ADARB1: variants seen among roughly 807,000 people sequenced by gnomAD.
ADARB1 encodes double-stranded RNA-specific editase 1.
A neutral mutation model predicts 52.4 loss-of-function variants in ADARB1; 10 were observed. The observed-to-expected ratio is 0.19, with a 90% CI of 0.12 to 0.32. ADARB1 has a LOEUF of 0.32. ADARB1 is among the 10% of genes least tolerant of loss of function. ADARB1 has a pLI of 1.00. For missense variants in ADARB1, 643 were observed against 922.3 expected (o/e 0.70, Z 3.92); for synonymous variants, 349 against 371.1 (o/e 0.94, Z 0.68).
chr21:45,195,637 A>G (rs1413155924), intron 8 of ADARB1, among the ~76,000 whole-genome samples: 1 of 149,948 alleles, frequency 6.7e-6, no homozygotes, highest in African/African-American at 2.5e-5. Flanking sequence ...GTTTATGTCC[A>G]TTGGTTCTAG....
At chr21:45,185,391 A>G (rs1237532966) in intron 8 of ADARB1, among the ~76,000 whole-genome samples, 1 of 152,268 alleles carries the variant, frequency 6.6e-6, no homozygotes, top group Non-Finnish European at 1.5e-5. Context: ...TTAATGGGCT[A>G]CAGGCCATGA....
intron 2 of ADARB1, among the ~76,000 whole-genome samples, chr21:45,152,329 G>A (rs376390984): frequency 1.0e-3 from 153 of 152,300 alleles, no homozygotes; most frequent in African/African-American, 3.6e-3. Flanking sequence ...CCCTCTGCTC[G>A]TGGTGTTTTA....
chr21:45,176,971 G>C lies in ADARB1; in HGVS notation c.963+307G>C. ...CTTCCCGTTAGGCAACCCCCCCCAT[G>C]ACCCTCATCCCACAGCAAGCCTTTA... is the stretch of plus-strand genomic sequence containing the variant. On this transcript the variant is annotated intron_variant, in intron 4 of 10. Transcript: ENST00000348831. The surrounding 1 kb of genome is among the most constrained non-coding windows in gnomAD (Gnocchi z 5.8). 1 of 295,054 alleles carries C rather than the reference G, an allele frequency of 3.4e-6. No individual in the cohort carries two copies. The highest frequency in any genetic ancestry group is 6.3e-6 in the Non-Finnish European group (1 of 159,036). 18.3% of individuals were successfully genotyped at this position (295,054 alleles called of 1,614,324 possible).
Position 45,224,753 on chromosome 21 carries a change from C to G in ADARB1, c.*2556C>G. The G allele has an allele frequency of 7.5e-6, 7 of 928,446 alleles. No homozygotes were observed. The highest frequency in any genetic ancestry group is 8.7e-6 in the Non-Finnish European group (7 of 803,150). 57.5% of individuals were successfully genotyped at this position (928,446 alleles called of 1,614,324 possible). ...GGGGCGGCTGTGGGGAGGAAGGTGA[C>G]GTGCAGGGGACCAGAGGCTCTGCAC... On this transcript the variant is annotated 3_prime_UTR_variant, in exon 11 of 11. Transcript: ENST00000348831.
At position 45,182,771 on chromosome 21, in the gene ADARB1, A is replaced by G. The variant is rs56350820; in HGVS notation, c.1247+18A>G. ...TACTTAAAGTAAGTTTAGTAAACAAATAAGGACAGGAAGCTCTTTTTAAAA... is the reference window on the plus strand; with the variant it reads ...TACTTAAAGTAAGTTTAGTAAACAAGTAAGGACAGGAAGCTCTTTTTAAAA... On this transcript the variant is annotated intron_variant, in intron 6 of 10. Transcript: ENST00000348831. The G allele has an allele frequency of 0.035, 55,305 of 1,559,728 alleles. 1,174 individuals are homozygous for G. The highest frequency in any genetic ancestry group is 0.042 in the Non-Finnish European group (48,493 of 1,154,236).
intron 8 of ADARB1, among the ~76,000 whole-genome samples, chr21:45,194,789 TAGTTTGGA>T (rs2146288747): frequency 6.6e-6 from 1 of 152,344 alleles, no homozygotes; most frequent in African/African-American, 2.4e-5. Context: ...TGCTAAATAA[TAGTTTGGA>T]TGTGCCACAG....
intron 1 of ADARB1, among the ~76,000 whole-genome samples, chr21:45,077,297 C>T (rs1438898929): frequency 6.6e-6 from 1 of 152,138 alleles, no homozygotes; most frequent in African/African-American, 2.4e-5. Context: ...CATTTACCAG[C>T]CTATAAAAAA....
At chr21:45,156,554 TCCATCCAC>T (rs1022183391) in intron 2 of ADARB1, among the ~76,000 whole-genome samples, 1 of 107,322 alleles carries the variant, frequency 9.3e-6, no homozygotes, top group African/African-American at 3.6e-5. Flanking sequence ...CATTCATCCA[TCCATCCAC>T]CCATGCACCC....
chr21:45,173,255 T>C (rs9981978), intron 3 of ADARB1, among the ~76,000 whole-genome samples: 3,374 of 152,322 alleles, frequency 0.022, 94 homozygotes, highest in African/African-American at 0.062. Flanking sequence ...TGTATCATTT[T>C]GAAAGCAATG....
intron 1 of ADARB1, among the ~76,000 whole-genome samples, chr21:45,094,913 A>G (rs1007872518): frequency 1.3e-5 from 2 of 152,088 alleles, no homozygotes; most frequent in Non-Finnish European, 2.9e-5. Flanking sequence ...CGAGGTTTGC[A>G]CTCAGTCTCC....
At chr21:45,105,237 A>G (rs2087196839) in intron 1 of ADARB1, among the ~76,000 whole-genome samples, 1 of 152,098 alleles carries the variant, frequency 6.6e-6, no homozygotes, top group Non-Finnish European at 1.5e-5. Flanking sequence ...AGTAGCTGGG[A>G]TTACAGGTGC....
chr21:45,098,734 G>A lies in ADARB1; in HGVS notation c.-220+23941G>A, dbSNP rs550427022. ...TGGCGAGTGCTAGGCAGGAGCTGGA[G>A]GCTGTTCTCTTTGGGCTATTTGCAC... On this transcript the variant is annotated intron_variant, in intron 1 of 10. Coordinates refer to ENST00000348831, the MANE Select transcript of ADARB1 (RefSeq NM_001112.4). 3.3e-5 allele frequency among the ~76,000 whole-genome samples: 5 copies of A among 152,314 alleles called. No individual in the cohort carries two copies. In the East Asian group the frequency reaches 9.6e-4, roughly 29 times the overall value.
rs897732213 is a variant in ADARB1, at chr21:45,128,898, C to T, written c.-48+325C>T. Among the ~76,000 whole-genome samples, 11 of 152,074 alleles carry T rather than the reference C, an allele frequency of 7.2e-5. No homozygotes were observed. The highest frequency in any genetic ancestry group is 3.9e-4 in the Admixed American group (6 of 15,266). On this transcript the variant is annotated intron_variant, in intron 2 of 10. Transcript: ENST00000348831. This position sits in a 1 kb window ranked among gnomAD's most constrained non-coding sequence, Gnocchi z 4.6. ...CATTTATTGAGTCAGTGCTTCATGC[C>T]GGGCACTAGACTTGGTGAAAGCCTT...
At position 45,133,196 on chromosome 21, in the gene ADARB1, T is replaced by C. The variant is rs1379967078; in HGVS notation, c.-48+4623T>C. Among the ~76,000 whole-genome samples, 5 of 152,352 alleles carry C rather than the reference T, an allele frequency of 3.3e-5. No individual in the cohort carries two copies. The South Asian group carries it at 8.3e-4, about 25-fold the overall frequency. On this transcript the variant is annotated intron_variant, in intron 2 of 10. Coordinates refer to ENST00000348831, the MANE Select transcript of ADARB1 (RefSeq NM_001112.4). ...GTGTCAGGAGTTAAGGTGCCTGTATTGAGCAGGGGCTGCCGTTGCTTCTGA... is the reference window on the plus strand; with the variant it reads ...GTGTCAGGAGTTAAGGTGCCTGTATCGAGCAGGGGCTGCCGTTGCTTCTGA...
chr21:45,099,076 G>C (rs984122121), intron 1 of ADARB1, among the ~76,000 whole-genome samples: 2 of 152,206 alleles, frequency 1.3e-5, no homozygotes, highest in Non-Finnish European at 2.9e-5. Flanking sequence ...TGGCGCTTTA[G>C]AGGTGACATG....
At chr21:45,211,915 C>T (rs1240872491) in intron 9 of ADARB1, among the ~76,000 whole-genome samples, 2 of 152,228 alleles carry the variant, frequency 1.3e-5, no homozygotes, top group Non-Finnish European at 2.9e-5. Context: ...CATTTAGGGG[C>T]TTTCTGCCCC....
At chr21:45,110,102 TAGTC>T (rs1411373133) in intron 1 of ADARB1, among the ~76,000 whole-genome samples, 1 of 152,220 alleles carries the variant, frequency 6.6e-6, no homozygotes, top group Non-Finnish European at 1.5e-5. Flanking sequence ...AAGCTCAAAT[TAGTC>T]AGTTTACTTT....
chr21:45,079,261 C>G (rs140461095), intron 1 of ADARB1, among the ~76,000 whole-genome samples: 217 of 152,318 alleles, frequency 1.4e-3, no homozygotes, highest in African/African-American at 4.7e-3. Flanking sequence ...ACAATGCTTT[C>G]TTGTTACCCA....
chr21:45,090,985 T>A (rs1286554369), intron 1 of ADARB1, among the ~76,000 whole-genome samples: 1 of 152,276 alleles, frequency 6.6e-6, no homozygotes, highest in Non-Finnish European at 1.5e-5. Context: ...TCTTAAATGT[T>A]GGGCATTGCT....
Sources: allele counts gnomAD v4.1 joint callset (sites outside exome capture counted in the v4.1 genomes callset), GRCh38; gene constraint gnomAD v4.1.1; non-coding constraint Gnocchi (gnomAD v3.1); transcripts MANE v1.5; gene names NCBI Gene and HGNC (gene_info 2026-07-23, HGNC 2026-07-21).